Variants in CD38 observed in about 807,000 individuals in gnomAD.
CD38 encodes CD38 molecule, also known as ADP-ribosyl cyclase/cyclic ADP-ribose hydrolase 1.
Under a neutral mutation model 36.3 loss-of-function variants are expected in CD38, and 31 were observed. That is an observed-to-expected ratio of 0.85 (90% CI 0.64 to 1.15). CD38 has a LOEUF of 1.15. Among genes scored for constraint, CD38 ranks in the 50% most tolerant of loss-of-function variants. The pLI is 0.00. For synonymous variants in CD38, 131 were observed against 135.2 expected (o/e 0.97, Z 0.22); for missense variants, 380 against 371.9 (o/e 1.02, Z -0.18).
chr4:15,826,461 A>ACGCG (rs1553874518), intron 3 of CD38, among the ~76,000 whole-genome samples: 1,382 of 80,074 alleles, frequency 0.017, 10 homozygotes, highest in South Asian at 0.033. Context: ...TTTTGTGCGC[A>ACGCG]CACACACACA....
chr4:15,848,518 T>A (rs1286485100), intron 7 of CD38, 21 bp from the exon 8 acceptor site: 8 of 1,601,468 alleles, frequency 5.0e-6, no homozygotes, highest in Non-Finnish European at 6.8e-6. Context: ...CTTGATTTCC[T>A]TTTTTGCTTT....
In CD38 at chr4:15,850,895, A is replaced by T. The variant is rs1224699296; in HGVS notation, c.*2293A>T. 6.6e-6 allele frequency: 1 copy of T among 151,944 alleles called. No homozygotes were observed. The allele number at this position is 151,944 out of a possible 1,614,324, so 9.4% of individuals were successfully genotyped here. On this transcript the variant is annotated 3_prime_UTR_variant, in exon 8 of 8. Transcript: ENST00000226279. ...CTGTTTTCCTCTTAAGATCCTTTCC[A>T]CTTTGGTTGCTGCTTTCGGGACTCA...
At chr4:15,827,062 T>C (rs759391883) in intron 3 of CD38, among the ~76,000 whole-genome samples, 69 of 152,224 alleles carry the variant, frequency 4.5e-4, no homozygotes, top group Non-Finnish European at 7.5e-4. Context: ...CAGTGTTCCA[T>C]GTGCTACGTA....
At chr4:15,831,447 T>G (rs920018422) in intron 3 of CD38, among the ~76,000 whole-genome samples, 2 of 152,234 alleles carry the variant, frequency 1.3e-5, no homozygotes, top group African/African-American at 4.8e-5. Context: ...CCTTTAGCAT[T>G]TCTTCTAGGA....
At chr4:15,823,775 A>G (rs1396841159) in intron 2 of CD38, among the ~76,000 whole-genome samples, 2 of 152,218 alleles carry the variant, frequency 1.3e-5, no homozygotes, top group African/African-American at 4.8e-5. Flanking sequence ...AAGATCTAGA[A>G]CTAGAAATAC....
chr4:15,840,874 A>G (rs1168073845), intron 7 of CD38, among the ~76,000 whole-genome samples: 3 of 152,162 alleles, frequency 2.0e-5, no homozygotes, highest in Admixed American at 2.0e-4. Flanking sequence ...ACTAGGTTTC[A>G]GGGGAGCAAG....
chr4:15,785,762 A>G (rs1722804368), intron 1 of CD38, among the ~76,000 whole-genome samples: 1 of 152,192 alleles, frequency 6.6e-6, no homozygotes, highest in Non-Finnish European at 1.5e-5. Context: ...CAGCAATCAC[A>G]TCTTAGTGGG....
chr4:15,797,516 G>T (rs1412319664), intron 1 of CD38, among the ~76,000 whole-genome samples: 2 of 152,146 alleles, frequency 1.3e-5, no homozygotes. Flanking sequence ...AGGTGTGGCA[G>T]GTATGCCATC....
chr4:15,788,330 C>G (rs942244441), intron 1 of CD38, among the ~76,000 whole-genome samples: 2 of 152,150 alleles, frequency 1.3e-5, no homozygotes, highest in African/African-American at 2.4e-5. Flanking sequence ...GTGACATTTC[C>G]TTGTGATTCT....
At chr4:15,798,585 A>G (rs1291737427) in intron 1 of CD38, among the ~76,000 whole-genome samples, 1 of 152,238 alleles carries the variant, frequency 6.6e-6, no homozygotes, top group Non-Finnish European at 1.5e-5. Flanking sequence ...ATGCTTTGCC[A>G]ATAGGAAAGA....
chr4:15,819,791 G>T (rs767632111), intron 2 of CD38, among the ~76,000 whole-genome samples: 1 of 152,194 alleles, frequency 6.6e-6, no homozygotes, highest in Non-Finnish European at 1.5e-5. Context: ...AAAGAGACAG[G>T]AAGAATGAAA....
At chr4:15,848,491 G>T in intron 7 of CD38, 48 bp from the exon 8 acceptor site, 1 of 1,439,350 alleles carries the variant, frequency 6.9e-7, no homozygotes, top group Non-Finnish European at 9.8e-7. Context: ...TTGGACGACA[G>T]ATGTATCCTA....
intron 1 of CD38, among the ~76,000 whole-genome samples, chr4:15,811,232 C>T (rs559933155): frequency 3.0e-4 from 45 of 151,678 alleles, no homozygotes; most frequent in African/African-American, 1.0e-3. Flanking sequence ...TTTTCACTTT[C>T]TTGATGGCGT....
chr4:15,789,820 C>T (rs780293795), intron 1 of CD38, among the ~76,000 whole-genome samples: 4 of 152,130 alleles, frequency 2.6e-5, no homozygotes, highest in African/African-American at 4.8e-5. Context: ...CAGGACTCTG[C>T]GGAGTTCTGG....
At chr4:15,842,030 A>T (rs59322494) in intron 7 of CD38, among the ~76,000 whole-genome samples, 5 of 141,488 alleles carry the variant, frequency 3.5e-5, no homozygotes, top group Non-Finnish European at 7.6e-5. Context: ...CAAAGCAGCC[A>T]GGAAGCTCGA....
intron 1 of CD38, among the ~76,000 whole-genome samples, chr4:15,793,115 T>A (rs1219095658): frequency 6.6e-6 from 1 of 152,094 alleles, no homozygotes. Context: ...TCAGAATCAC[T>A]TGAACGAGCT....
chr4:15,818,171 G>A (rs1224046305), intron 2 of CD38, among the ~76,000 whole-genome samples: 2 of 137,370 alleles, frequency 1.5e-5, no homozygotes. Context: ...GGTGGGGGGA[G>A]GGGCGTCCGC....
intron 1 of CD38, among the ~76,000 whole-genome samples, chr4:15,779,641 G>T (rs1245036380): frequency 6.6e-6 from 1 of 152,166 alleles, no homozygotes; most frequent in African/African-American, 2.4e-5. Flanking sequence ...CAAAATGTTT[G>T]CCTCCTGGGC....
chr4:15,813,604 AC>A (rs1723519824), intron 1 of CD38, among the ~76,000 whole-genome samples: 1 of 149,770 alleles, frequency 6.7e-6, no homozygotes, highest in African/African-American at 2.5e-5. Context: ...CTTGCTCCCC[AC>A]CCCCGCCGAC....
Sources: allele counts gnomAD v4.1 joint callset (sites outside exome capture counted in the v4.1 genomes callset), GRCh38; gene constraint gnomAD v4.1.1; transcripts MANE v1.5; gene names NCBI Gene and HGNC (gene_info 2026-07-23, HGNC 2026-07-21).